The following ATG2B variants were observed in gnomAD, a reference collection of about 807,000 sequenced individuals.
The protein encoded by ATG2B is autophagy related 2B, also known as autophagy-related protein 2 homolog B.
A neutral mutation model predicts 241.3 loss-of-function variants in ATG2B; 121 were observed. That is an observed-to-expected ratio of 0.50 (90% CI 0.43 to 0.58). The LOEUF is 0.58. ATG2B is among the 20% of genes least tolerant of loss of function. The pLI is 0.00. For synonymous variants in ATG2B, 858 were observed against 876.6 expected (o/e 0.98, Z 0.37); for missense variants, 2,306 against 2,491.6 (o/e 0.93, Z 1.59).
chr14:96,339,290 G>A (rs2139889581), intron 6 of ATG2B, among the ~76,000 whole-genome samples: 1 of 151,898 alleles, frequency 6.6e-6, no homozygotes, highest in African/African-American at 2.4e-5. Context: ...GTGTGTGTGT[G>A]TGTGTGTGTG....
chr14:96,324,133 T>A (rs1001560972), intron 15 of ATG2B, 135 bp from the exon 16 acceptor site: 2 of 620,404 alleles, frequency 3.2e-6, no homozygotes, highest in Non-Finnish European at 5.5e-6. Flanking sequence ...TGTTCTGGTT[T>A]CATGTGCACG....
chr14:96,348,554 G>A (rs992667082), intron 1 of ATG2B, among the ~76,000 whole-genome samples: 5 of 151,704 alleles, frequency 3.3e-5, no homozygotes, highest in African/African-American at 9.7e-5. Flanking sequence ...GTGGTAGGAC[G>A]TGCCTGTAAT....
intron 15 of ATG2B, among the ~76,000 whole-genome samples, chr14:96,324,656 C>CT (rs1491085613): frequency 5.9e-5 from 9 of 152,288 alleles, no homozygotes; most frequent in African/African-American, 2.2e-4. Context: ...AAGCAAGACT[C>CT]TGTCTGAAAA....
intron 4 of ATG2B, among the ~76,000 whole-genome samples, chr14:96,344,322 T>C (rs1006976643): frequency 6.6e-6 from 1 of 152,220 alleles, no homozygotes; most frequent in African/African-American, 2.4e-5. Flanking sequence ...AATATTGCAT[T>C]GTTAATATGA....
intron 5 of ATG2B, among the ~76,000 whole-genome samples, chr14:96,342,648 C>T (rs937057726): frequency 1.4e-5 from 2 of 148,132 alleles, no homozygotes; most frequent in African/African-American, 2.5e-5. Flanking sequence ...CTTGAACCTG[C>T]GAGGTGGAGG....
Position 96,328,532 on chromosome 14 carries a change from T to A in ATG2B, c.1978A>T (p.Asn660Tyr). ...GGAACTGAACTAAGTCTTGCTTGAT[T>A]ACCCTTTTAAAAAAAAAAAAGAAAA... Reference protein sequence around the residue: ...KHSENRGPQGNQARLSSVPHK... With the variant: ...KHSENRGPQGYQARLSSVPHK... The change falls in exon 14 of 42, where the codon AAT becomes TAT. Residue 660 changes from asparagine to tyrosine, a missense_variant. Transcript: ENST00000359933. 6.3e-7 allele frequency: 1 copy of A among 1,588,296 alleles called. No homozygotes were observed. The highest frequency in any genetic ancestry group is 1.2e-5 in the South Asian group (1 of 86,216).
intron 6 of ATG2B, among the ~76,000 whole-genome samples, chr14:96,337,329 C>T (rs183493774): frequency 1.3e-5 from 2 of 152,236 alleles, no homozygotes; most frequent in East Asian, 3.9e-4. Flanking sequence ...GAAAATAATG[C>T]TTGACAAATA....
chr14:96,343,976 T>C (rs12880387), intron 4 of ATG2B, among the ~76,000 whole-genome samples: 4 of 152,374 alleles, frequency 2.6e-5, no homozygotes, highest in African/African-American at 7.2e-5. Flanking sequence ...GTGTCTCTGG[T>C]GCTCATGCAG....
Position 96,311,184 on chromosome 14 carries a change from C to T in ATG2B, c.4094G>A (p.Ser1365Asn). ...GTTAGGTGTCTGCAAGTCACCATAG[C>T]TTGCAATGTACTGAATGAGATTCAT... is the stretch of plus-strand genomic sequence containing the variant. ...ALMNLIQYIASYGDLQTPNKA... is the reference protein window; with the variant it reads ...ALMNLIQYIANYGDLQTPNKA... Residue 1365 changes from serine to asparagine, a missense_variant, in exon 28 of 42, where the codon AGC becomes AAC. Transcript: ENST00000359933. 3 of 1,614,016 alleles carry T rather than the reference C, an allele frequency of 1.9e-6. No homozygotes were observed. The highest frequency in any genetic ancestry group is 2.5e-6 in the Non-Finnish European group (3 of 1,179,926).
rs1012598323 is a variant in ATG2B, at chr14:96,363,339, T to C, written c.-363A>G. 1 of 245,660 alleles carries C rather than the reference T, an allele frequency of 4.1e-6. No homozygotes were observed. The highest frequency in any genetic ancestry group is 8.1e-6 in the Non-Finnish European group (1 of 123,880). The allele number at this position is 245,660 out of a possible 1,614,324, so 15.2% of individuals were successfully genotyped here. ...GTCATCCGCGAGGCGCGTTCCCGGC[T>C]GTAGGGACGCTCCTGGCGCGTTCAC... On this transcript the variant is annotated 5_prime_UTR_variant, in exon 1 of 42. Coordinates refer to ENST00000359933, the MANE Select transcript of ATG2B (RefSeq NM_018036.7).
chr14:96,352,106 T>C (rs1185932518), intron 1 of ATG2B, among the ~76,000 whole-genome samples: 1 of 152,120 alleles, frequency 6.6e-6, no homozygotes, highest in East Asian at 1.9e-4. Context: ...ATGTATAGGA[T>C]AGTGGTCCTG....
rs200385687 is a variant in ATG2B at position 96,317,827 on chromosome 14, G to A, written c.2908C>T (p.Pro970Ser). 2,895 of 1,610,904 alleles carry A rather than the reference G, an allele frequency of 1.8e-3. 7 individuals are homozygous for A. The highest frequency in any genetic ancestry group is 2.1e-3 in the South Asian group (191 of 90,506). Residue 970 changes from proline (P) to serine (S), a missense_variant, in exon 19 of 42, where the codon CCA (proline) becomes TCA (serine). This residue lies in a region of ATG2B where 1,927 missense variants were observed against 2,011.2 expected (regional missense o/e 0.96). Transcript: ENST00000359933. ...RIFNDLLLWE[P>S]TAPSPVETFE... is the part of the protein sequence containing the mutation. ...GTCTCCACTGGTGAAGGAGCTGTTG[G>A]TTCCCACAGTAGCAAGTCATTAAAG...
At chr14:96,331,680 A>G in intron 10 of ATG2B, 43 bp from the exon 11 acceptor site, 3 of 1,404,390 alleles carry the variant, frequency 2.1e-6, no homozygotes, top group South Asian at 1.4e-5. Flanking sequence ...AATTTGACAC[A>G]TAAAACTATT....
intron 33 of ATG2B, 22 bp downstream of exon 33, chr14:96,303,039 C>T: frequency 1.4e-6 from 2 of 1,452,048 alleles, no homozygotes; most frequent in Non-Finnish European, 1.8e-6. Flanking sequence ...TAACATAACA[C>T]AACGATGAGG....
intron 41 of ATG2B, among the ~76,000 whole-genome samples, chr14:96,286,903 A>G (rs1886348790): frequency 6.6e-6 from 1 of 152,192 alleles, no homozygotes; most frequent in African/African-American, 2.4e-5. Flanking sequence ...CAAGTTAACA[A>G]GAGCGTCCTA....
chr14:96,301,594 G>C (rs1029163267), intron 34 of ATG2B, among the ~76,000 whole-genome samples: 1 of 152,134 alleles, frequency 6.6e-6, no homozygotes, highest in South Asian at 2.1e-4. Context: ...ACCTCTTTAT[G>C]TATACCAATT....
At position 96,344,645 on chromosome 14, in the gene ATG2B, A is replaced by T; in HGVS notation, c.581+9T>A. The stretch of plus-strand genomic sequence containing the variant: ...AGGGTCATTTATTTTCAGACATAAG[A>T]ATTCTTACCTTTCTATTCGAATTTC... On this transcript the variant is annotated intron_variant, in intron 4 of 41. Transcript: ENST00000359933. 1 of 1,532,088 alleles carries T rather than the reference A, an allele frequency of 6.5e-7. No individual in the cohort carries two copies. The highest frequency in any genetic ancestry group is 1.4e-5 in the African/African-American group (1 of 72,652). The allele number at this position is 1,532,088 out of a possible 1,614,324, so 94.9% of individuals were successfully genotyped here.
intron 34 of ATG2B, among the ~76,000 whole-genome samples, chr14:96,297,474 T>C (rs886685967): frequency 8.5e-5 from 13 of 152,238 alleles, no homozygotes; most frequent in African/African-American, 3.1e-4. Flanking sequence ...CTCGGCTCAC[T>C]GCAACCTCTG....
chr14:96,314,114 T>C (rs1489642552), intron 23 of ATG2B, among the ~76,000 whole-genome samples: 1 of 152,208 alleles, frequency 6.6e-6, no homozygotes, highest in African/African-American at 2.4e-5. Flanking sequence ...CAGCTGGTTA[T>C]TCACCCTAAC....
Sources: gnomAD v4.1 joint callset for allele counts (sites outside exome capture counted in the v4.1 genomes callset) on GRCh38, gnomAD v4.1.1 for gene constraint, gnomAD v4.1.1 regional missense constraint, MANE v1.5 for transcripts, NCBI Gene and HGNC (gene_info 2026-07-23, HGNC 2026-07-21) for gene names.